Variants in GFRA1 observed in about 807,000 individuals in gnomAD.
The protein encoded by GFRA1 is GDNF family receptor alpha-1.
GFRA1 carries 16 observed loss-of-function variants against 51.6 expected under a neutral mutation model. The ratio of observed to expected loss-of-function variants is 0.31; its 90% CI spans 0.21 to 0.47. The LOEUF is 0.47. GFRA1 is among the 20% of genes least tolerant of loss of function. The pLI is 1.00. For missense variants in GFRA1, 530 were observed against 594.3 expected (o/e 0.89, Z 1.13); for synonymous variants, 270 against 241.3 (o/e 1.12, Z -1.10).
intron 5 of GFRA1, among the ~76,000 whole-genome samples, chr10:116,137,515 C>T (rs1462895830): frequency 1.3e-5 from 2 of 152,196 alleles, no homozygotes; most frequent in Non-Finnish European, 2.9e-5. Context: ...CATTAAGCCA[C>T]TCCACCTGCA....
chr10:116,096,871 AC>A, intron 6 of GFRA1, 107 bp from the exon 7 acceptor site: 1 of 59,732 alleles, frequency 1.7e-5, no homozygotes, highest in Non-Finnish European at 4.9e-5. Flanking sequence ...CTTTTTCTGC[AC>A]ACGCACACGC....
At chr10:116,246,356 G>C (rs145285476) in intron 4 of GFRA1, among the ~76,000 whole-genome samples, 2 of 152,102 alleles carry the variant, frequency 1.3e-5, no homozygotes, top group East Asian at 1.9e-4. Flanking sequence ...GCTTGAACCC[G>C]GGAGGCAGAG....
intron 5 of GFRA1, among the ~76,000 whole-genome samples, chr10:116,186,017 TA>T (rs1228479834): frequency 6.6e-6 from 1 of 152,058 alleles, no homozygotes; most frequent in Non-Finnish European, 1.5e-5. Flanking sequence ...TTTTGGGAGG[TA>T]GGGGGGTAGT....
chr10:116,104,850 G>A (rs1454390074), intron 6 of GFRA1, among the ~76,000 whole-genome samples: 1 of 152,114 alleles, frequency 6.6e-6, no homozygotes, highest in Non-Finnish European at 1.5e-5. Flanking sequence ...AACTTGCAAG[G>A]GGCTTTCAGC....
intron 5 of GFRA1, among the ~76,000 whole-genome samples, chr10:116,144,530 A>C (rs1366281226): frequency 2.0e-5 from 3 of 152,128 alleles, no homozygotes; most frequent in Non-Finnish European, 4.4e-5. Flanking sequence ...CACCCAAGGA[A>C]TGATATAGAT....
intron 5 of GFRA1, among the ~76,000 whole-genome samples, chr10:116,196,102 G>A (rs2917947): frequency 0.051 from 7,657 of 150,380 alleles, 375 homozygotes; most frequent in African/African-American, 0.13. Context: ...CAAGGAACAA[G>A]TAAAAAAAAA....
At chr10:116,271,326 G>A (rs1589929863) in intron 2 of GFRA1, among the ~76,000 whole-genome samples, 1 of 152,088 alleles carries the variant, frequency 6.6e-6, no homozygotes, top group Non-Finnish European at 1.5e-5. Flanking sequence ...GGGCCCGCAA[G>A]GAAGAGTGGC....
intron 5 of GFRA1, among the ~76,000 whole-genome samples, chr10:116,210,831 C>T (rs1415080914): frequency 1.3e-5 from 2 of 152,102 alleles, no homozygotes; most frequent in African/African-American, 4.8e-5. Flanking sequence ...ATGTGTGCTA[C>T]CAACATATTT....
intron 5 of GFRA1, among the ~76,000 whole-genome samples, chr10:116,181,523 C>T (rs763795705): frequency 1.9e-3 from 282 of 152,280 alleles, no homozygotes; most frequent in Admixed American, 3.9e-3. Flanking sequence ...ATAAAATGGC[C>T]ACAATAATAT....
intron 4 of GFRA1, among the ~76,000 whole-genome samples, chr10:116,264,664 G>T (rs768069129): frequency 2.0e-5 from 3 of 152,212 alleles, no homozygotes; most frequent in Admixed American, 1.3e-4. Context: ...CTAAGTAAAG[G>T]CAAGGCCATG....
chr10:116,265,543 T>A (rs1413326782), intron 4 of GFRA1, among the ~76,000 whole-genome samples: 1 of 152,146 alleles, frequency 6.6e-6, no homozygotes, highest in African/African-American at 2.4e-5. Flanking sequence ...CCAAAAAAAA[T>A]TGCCAACAGG....
At chr10:116,218,655 A>G (rs1177380400) in intron 4 of GFRA1, among the ~76,000 whole-genome samples, 7 of 152,086 alleles carry the variant, frequency 4.6e-5, no homozygotes, top group Non-Finnish European at 1.0e-4. Context: ...GCCAATATTC[A>G]TGACCCTCCT....
intron 4 of GFRA1, among the ~76,000 whole-genome samples, chr10:116,212,966 T>C (rs1014936895): frequency 1.3e-5 from 2 of 152,176 alleles, no homozygotes; most frequent in African/African-American, 2.4e-5. Flanking sequence ...AGTACGCTCA[T>C]TTGCTCATGC....
chr10:116,076,452 T>C (rs12250001), intron 9 of GFRA1, among the ~76,000 whole-genome samples: 8,030 of 152,050 alleles, frequency 0.053, 689 homozygotes, highest in African/African-American at 0.18. Context: ...AAAGGAAGCC[T>C]GTGTCATTTC....
chr10:116,208,518 A>G (rs1017184735), intron 5 of GFRA1, among the ~76,000 whole-genome samples: 2 of 152,160 alleles, frequency 1.3e-5, no homozygotes, highest in South Asian at 2.1e-4. Flanking sequence ...CTCTCCATTA[A>G]CAAGATCCTG....
chr10:116,066,448 T>C (rs147639309), intron 9 of GFRA1, among the ~76,000 whole-genome samples: 26 of 152,304 alleles, frequency 1.7e-4, no homozygotes, highest in African/African-American at 5.5e-4. Context: ...TTGAACTCCC[T>C]GTTTCTCCTC....
At chr10:116,128,457 G>A (rs1039166636) in intron 5 of GFRA1, among the ~76,000 whole-genome samples, 11 of 151,956 alleles carry the variant, frequency 7.2e-5, no homozygotes, top group Admixed American at 3.3e-4. Context: ...CAGGTGCGGC[G>A]GCTCATGCCT....
intron 9 of GFRA1, among the ~76,000 whole-genome samples, chr10:116,082,880 G>A (rs1002880577): frequency 6.6e-6 from 1 of 152,034 alleles, no homozygotes; most frequent in Non-Finnish European, 1.5e-5. Context: ...TTCCTTTCTG[G>A]CCCCAGCCTC....
At chr10:116,210,402 A>T (rs1186117823) in intron 5 of GFRA1, among the ~76,000 whole-genome samples, 1 of 151,938 alleles carries the variant, frequency 6.6e-6, no homozygotes, top group African/African-American at 2.4e-5. Context: ...TGCCCCACTG[A>T]CCCCCCAGTT....
Sources: allele counts gnomAD v4.1 joint callset (sites outside exome capture counted in the v4.1 genomes callset), GRCh38; gene constraint gnomAD v4.1.1; transcripts MANE v1.5; gene names NCBI Gene and HGNC (gene_info 2026-07-23, HGNC 2026-07-21).